Variants in SNX18 observed in about 807,000 individuals in gnomAD.
SNX18 encodes sorting nexin-18.
SNX18 carries 35 observed loss-of-function variants against 48.7 expected under a neutral mutation model. The observed-to-expected ratio is 0.72, with a 90% CI of 0.55 to 0.95. The LOEUF is 0.95. Among genes scored for constraint, SNX18 ranks in the 40% least tolerant of loss-of-function variants. SNX18 has a pLI of 0.00. For missense variants in SNX18, 824 were observed against 871.0 expected (o/e 0.95, Z 0.68); for synonymous variants, 492 against 384.7 (o/e 1.28, Z -3.26).
chr5:54,599,584 T>G, the SNX18 span, among the ~76,000 whole-genome samples: 1 of 152,126 alleles, frequency 6.6e-6, no homozygotes, highest in African/African-American at 2.4e-5. Context: ...TCATTCAAAC[T>G]ATACTAAAAG....
the SNX18 span, among the ~76,000 whole-genome samples, chr5:54,583,833 G>A: frequency 6.6e-6 from 1 of 152,198 alleles, no homozygotes; most frequent in Non-Finnish European, 1.5e-5. Context: ...GTGCTTATTT[G>A]GTCTCAAGGG....
intron 1 of SNX18, among the ~76,000 whole-genome samples, chr5:54,530,283 G>T (rs1241873284): frequency 6.6e-6 from 1 of 152,138 alleles, no homozygotes; most frequent in Non-Finnish European, 1.5e-5. Flanking sequence ...AAGGTTCCAT[G>T]TAGATTTTAG....
downstream of SNX18, among the ~76,000 whole-genome samples, chr5:54,547,260 G>T (rs1762590400): frequency 6.6e-6 from 1 of 152,196 alleles, no homozygotes; most frequent in South Asian, 2.1e-4. Context: ...AGAGAAGAAA[G>T]GACCTTTATC....
At chr5:54,588,306 CTTTTTTTTTTTTTTTTTTTTTTTTT>C in the SNX18 span, among the ~76,000 whole-genome samples, 7 of 73,910 alleles carry the variant, frequency 9.5e-5, no homozygotes, top group African/African-American at 3.2e-4. Context: ...TATTTCTATT[CTTTTTTTTTTTTTTTTTTTTTTTTT>C]TTTTTTTTTT....
chr5:54,585,659 T>C, the SNX18 span, among the ~76,000 whole-genome samples: 3 of 150,764 alleles, frequency 2.0e-5, no homozygotes, highest in Non-Finnish European at 4.4e-5. Context: ...AGCAGGAGGA[T>C]AAAAAAAGAG....
chr5:54,522,642 T>A (rs1462583177), intron 1 of SNX18, among the ~76,000 whole-genome samples: 1 of 152,176 alleles, frequency 6.6e-6, no homozygotes, highest in Non-Finnish European at 1.5e-5. Context: ...GAGTGACATT[T>A]CAGTAGCGTG....
chr5:54,595,886 T>C, the SNX18 span, among the ~76,000 whole-genome samples: 10 of 152,342 alleles, frequency 6.6e-5, no homozygotes, highest in African/African-American at 2.4e-4. Flanking sequence ...CCCAGGCATG[T>C]GACTGCATCA....
rs1266962740 is a variant in SNX18 at position 54,544,991 on chromosome 5, C to A, written c.*1559C>A. 1 of 152,128 alleles carries A rather than the reference C, an allele frequency of 6.6e-6. No individual in the cohort carries two copies. Among genetic ancestry groups the A allele is most frequent in the African/African-American group, 2.4e-5 (1 of 41,428 alleles). 9.4% of individuals were successfully genotyped at this position (152,128 alleles called of 1,614,324 possible). ...AGTCACAAAGATTAAAGAAAAGGAT[C>A]AGTTTGCAGATACTCAGAAAAGGTT... On this transcript the variant is annotated 3_prime_UTR_variant, in exon 2 of 2. Coordinates refer to ENST00000381410, the MANE Select transcript of SNX18 (RefSeq NM_001102575.2).
chr5:54,518,081 C>T lies in SNX18; in HGVS notation c.129C>T (p.Asn43=). The T allele has an allele frequency of 6.5e-7, 1 of 1,535,702 alleles. No individual in the cohort carries two copies. The highest frequency in any genetic ancestry group is 8.7e-7 in the Non-Finnish European group (1 of 1,147,206). ...QDIEGWLEGV[N]SRGDRGLFPA... ...TCGAGGGCTGGCTCGAGGGGGTCAA[C>T]AGCCGCGGCGACCGCGGCCTCTTCC... The change falls in exon 1 of 2, where the codon AAC becomes AAT. Residue 43 remains asparagine (N), a synonymous_variant. Coordinates refer to ENST00000381410, the MANE Select transcript of SNX18 (RefSeq NM_001102575.2).
the SNX18 span, among the ~76,000 whole-genome samples, chr5:54,572,329 A>G: frequency 6.6e-6 from 1 of 152,146 alleles, no homozygotes; most frequent in Admixed American, 6.5e-5. Context: ...GGCCAAGGGA[A>G]TGGTCTGTAA....
At chr5:54,579,483 G>A in the SNX18 span, among the ~76,000 whole-genome samples, 1 of 152,134 alleles carries the variant, frequency 6.6e-6, no homozygotes, top group East Asian at 1.9e-4. Flanking sequence ...AGAATCATGA[G>A]CCAACAAGTT....
At chr5:54,601,781 C>T in the SNX18 span, among the ~76,000 whole-genome samples, 51 of 152,222 alleles carry the variant, frequency 3.4e-4, no homozygotes, top group East Asian at 8.1e-3. Flanking sequence ...TGTTGCATCA[C>T]GTGAACTGGG....
rs1299922047 is a variant in SNX18, at chr5:54,518,426, GGAC to G, written c.478_480del (p.Asp160del). On this transcript the variant is annotated inframe_deletion, in exon 1 of 2. Transcript: ENST00000381410. ...GCGATGATGACTGGGACGACGAGTGGGACGACAGCTCCACGGTGGCGGACGAGC... is the reference window on the plus strand; with the variant it reads ...GCGATGATGACTGGGACGACGAGTGGGACAGCTCCACGGTGGCGGACGAGC... 7 of 1,582,576 alleles carry G rather than the reference GGAC, an allele frequency of 4.4e-6. No homozygotes were observed. The highest frequency in any genetic ancestry group is 6.0e-6 in the Non-Finnish European group (7 of 1,165,324).
rs562579981 is a variant in SNX18, at chr5:54,546,002, G to A, written c.*2570G>A. 16 of 152,240 alleles carry A rather than the reference G, an allele frequency of 1.1e-4. No homozygotes were observed. In the East Asian group the frequency reaches 1.5e-3, roughly 15 times the overall value. The allele number at this position is 152,240 out of a possible 1,614,324, so 9.4% of individuals were successfully genotyped here. On this transcript the variant is annotated 3_prime_UTR_variant, in exon 2 of 2. Transcript: ENST00000381410. ...TTATATGCTGTAACTGTAACGCAGC[G>A]AGACTGGTTCTACAGCCATGTGTCG...
chr5:54,531,784 A>G (rs549663363), intron 1 of SNX18, among the ~76,000 whole-genome samples: 1 of 152,304 alleles, frequency 6.6e-6, no homozygotes, highest in East Asian at 1.9e-4. Context: ...AATTATCTCC[A>G]CAGCCTCGTG....
chr5:54,531,173 A>G (rs1396074278), intron 1 of SNX18, among the ~76,000 whole-genome samples: 1 of 152,026 alleles, frequency 6.6e-6, no homozygotes, highest in African/African-American at 2.4e-5. Context: ...GGAGGCTCTT[A>G]GAGTACTCCA....
the SNX18 span, among the ~76,000 whole-genome samples, chr5:54,592,005 T>C: frequency 6.6e-6 from 1 of 152,364 alleles, no homozygotes; most frequent in African/African-American, 2.4e-5. Flanking sequence ...ATATTTCAAT[T>C]GTTTATTAAT....
At chr5:54,572,414 A>G in the SNX18 span, among the ~76,000 whole-genome samples, 1 of 152,074 alleles carries the variant, frequency 6.6e-6, no homozygotes, top group African/African-American at 2.4e-5. Flanking sequence ...AATCAATGGC[A>G]ATTAACTGCC....
chr5:54,612,609 G>GCTTA, the SNX18 span, among the ~76,000 whole-genome samples: 5 of 152,112 alleles, frequency 3.3e-5, no homozygotes, highest in African/African-American at 1.2e-4. Flanking sequence ...ACGCACTGGG[G>GCTTA]CTTACGTTTG....
Sources: gnomAD v4.1 joint callset for allele counts (sites outside exome capture counted in the v4.1 genomes callset) on GRCh38, gnomAD v4.1.1 for gene constraint, MANE v1.5 for transcripts, NCBI Gene and HGNC (gene_info 2026-07-23, HGNC 2026-07-21) for gene names.